The following DPP6 variants were observed in gnomAD, a reference collection of about 807,000 sequenced individuals.
DPP6 encodes the protein A-type potassium channel modulatory protein DPP6.
A neutral mutation model predicts 122.6 loss-of-function variants in DPP6; 69 were observed. That is an observed-to-expected ratio of 0.56 (90% CI 0.46 to 0.69). The LOEUF is 0.69. DPP6 is among the 30% of genes least tolerant of loss of function. The pLI, the probability that DPP6 is intolerant of heterozygous loss-of-function variation, is 0.00. For synonymous variants in DPP6, 418 were observed against 433.1 expected, an observed-to-expected ratio of 0.97 and a Z score of 0.43; for missense variants, 928 against 1,116.9, an observed-to-expected ratio of 0.83 and a Z score of 2.41.
At chr7:154,002,049 G>A (rs1797714836) in intron 1 of DPP6, among the ~76,000 whole-genome samples, 1 of 152,168 alleles carries the variant, frequency 6.6e-6, no homozygotes, top group Non-Finnish European at 1.5e-5. Flanking sequence ...TGTTTTCCAA[G>A]TTGCCACTCT....
intron 2 of DPP6, among the ~76,000 whole-genome samples, chr7:154,455,091 G>A (rs979499593): frequency 5.3e-5 from 8 of 152,132 alleles, no homozygotes; most frequent in Non-Finnish European, 8.8e-5. Flanking sequence ...TCAGTATGTC[G>A]ACAACATGGT....
the DPP6 span, among the ~76,000 whole-genome samples, chr7:153,877,271 A>G: frequency 6.6e-6 from 1 of 152,148 alleles, no homozygotes; most frequent in African/African-American, 2.4e-5. Flanking sequence ...ATACAATCAT[A>G]CAGATATTTT....
upstream of DPP6, among the ~76,000 whole-genome samples, chr7:154,051,863 T>C (rs140810004): frequency 0.63 from 93,231 of 147,434 alleles, 29,805 homozygotes; most frequent in East Asian, 0.8. Context: ...GGGCGGCCTC[T>C]TCACCAGCGT....
the DPP6 span, among the ~76,000 whole-genome samples, chr7:153,856,475 T>A: frequency 4.6e-5 from 7 of 152,332 alleles, no homozygotes; most frequent in African/African-American, 1.7e-4. Context: ...TCCTATTTAC[T>A]TTTATTTAAT....
At chr7:154,778,841 C>T (rs1221537859) in intron 10 of DPP6, among the ~76,000 whole-genome samples, 1 of 141,512 alleles carries the variant, frequency 7.1e-6, no homozygotes, top group Non-Finnish European at 1.5e-5. Context: ...CCTGTACAAC[C>T]TCCACCACCA....
chr7:153,884,769 C>T (rs1052510289), upstream of DPP6, among the ~76,000 whole-genome samples: 1 of 151,904 alleles, frequency 6.6e-6, no homozygotes, highest in Non-Finnish European at 1.5e-5. Flanking sequence ...CCTCTGAGGT[C>T]AGGAGTTTGG....
chr7:153,794,575 G>A, the DPP6 span, among the ~76,000 whole-genome samples: 28 of 152,236 alleles, frequency 1.8e-4, no homozygotes, highest in East Asian at 5.2e-3. Context: ...TTTGGACTGT[G>A]GACTTTTGGG....
the DPP6 span, among the ~76,000 whole-genome samples, chr7:153,809,944 G>C: frequency 6.6e-6 from 1 of 151,916 alleles, no homozygotes; most frequent in Non-Finnish European, 1.5e-5. Flanking sequence ...TCTCTCCCAA[G>C]GAGTATCTTT....
chr7:154,540,178 A>G (rs1828603550), intron 3 of DPP6, among the ~76,000 whole-genome samples: 1 of 152,230 alleles, frequency 6.6e-6, no homozygotes, highest in Non-Finnish European at 1.5e-5. Flanking sequence ...GATTTACTCC[A>G]AAGTTGGATA....
intron 1 of DPP6, among the ~76,000 whole-genome samples, chr7:153,928,913 G>A (rs1801046970): frequency 6.6e-6 from 1 of 152,134 alleles, no homozygotes; most frequent in Non-Finnish European, 1.5e-5. Context: ...GGAGACCCTG[G>A]ACGGGAAGTC....
rs1433182233 is a variant in DPP6, at chr7:154,235,318, A to G, written c.243+182255A>G. Among the ~76,000 whole-genome samples the G allele has an allele frequency of 3.3e-5, 5 of 152,112 alleles. No individual in the cohort carries two copies. In the East Asian group the frequency reaches 7.7e-4, roughly 24 times the overall value. On this transcript the variant is annotated intron_variant, in intron 1 of 25. Transcript: ENST00000377770. ...CTTCTTCCCTGAGCGTCATGTTTTCAAGGCTCATCCAGGTGGTAGCCTGTG... is the reference window on the plus strand; with the variant it reads ...CTTCTTCCCTGAGCGTCATGTTTTCGAGGCTCATCCAGGTGGTAGCCTGTG...
intron 1 of DPP6, among the ~76,000 whole-genome samples, chr7:153,906,871 A>G (rs10275328): frequency 0.2 from 29,776 of 152,228 alleles, 3,325 homozygotes; most frequent in Non-Finnish European, 0.25. Flanking sequence ...TCCATCGTGT[A>G]TACGTACCAC....
intron 1 of DPP6, among the ~76,000 whole-genome samples, chr7:154,186,248 C>T (rs980725872): frequency 3.9e-5 from 6 of 152,192 alleles, no homozygotes; most frequent in Non-Finnish European, 7.3e-5. Flanking sequence ...TTAGAGGACT[C>T]TGACAATGTC....
chr7:154,324,623 G>T (rs1808264249), intron 1 of DPP6, among the ~76,000 whole-genome samples: 1 of 152,068 alleles, frequency 6.6e-6, no homozygotes. Context: ...TGGGTTGGGG[G>T]TGTTTCCTGG....
At chr7:154,302,849 C>T (rs73491257) in intron 1 of DPP6, among the ~76,000 whole-genome samples, 20,051 of 152,144 alleles carry the variant, frequency 0.13, 1,619 homozygotes, top group African/African-American at 0.21. Flanking sequence ...GTCTTCCTCT[C>T]GTCTGCTGTC....
chr7:154,647,661 G>A (rs1836574874), intron 6 of DPP6, among the ~76,000 whole-genome samples: 1 of 152,148 alleles, frequency 6.6e-6, no homozygotes, highest in African/African-American at 2.4e-5. Context: ...TTTGCATTGC[G>A]GGGAATCTGT....
At chr7:154,408,477 G>A (rs1396219561) in intron 1 of DPP6, among the ~76,000 whole-genome samples, 1 of 151,982 alleles carries the variant, frequency 6.6e-6, no homozygotes, top group South Asian at 2.1e-4. Context: ...TTGGAATAAT[G>A]TTAGATTTAC....
intron 4 of DPP6, among the ~76,000 whole-genome samples, chr7:154,559,914 A>AATAATAT (rs1490640657): frequency 6.7e-6 from 1 of 148,182 alleles, no homozygotes; most frequent in Non-Finnish European, 1.5e-5. Flanking sequence ...TCTTAAAAAA[A>AATAATAT]ATAATATATA....
At position 154,463,034 on chromosome 7, in the gene DPP6, A is replaced by G. The variant is rs374885479; in HGVS notation, c.359-11905A>G. Among the ~76,000 whole-genome samples, 10 of 152,018 alleles carry G rather than the reference A, an allele frequency of 6.6e-5. No individual in the cohort carries two copies. The East Asian group carries it at 1.9e-3, about 30-fold the overall frequency. On this transcript the variant is annotated intron_variant, in intron 2 of 25. Coordinates refer to ENST00000377770, the MANE Select transcript of DPP6 (RefSeq NM_130797.4). ...GTTTTTCCAAATATAAGATCATATT[A>G]TCTGCAAACAAGGATAATATGGGCA... is the stretch of plus-strand genomic sequence containing the variant.
Sources: gnomAD v4.1 joint callset for allele counts (sites outside exome capture counted in the v4.1 genomes callset) on GRCh38, gnomAD v4.1.1 for gene constraint, MANE v1.5 for transcripts, NCBI Gene and HGNC (gene_info 2026-07-23, HGNC 2026-07-21) for gene names.